RAP1B: variants seen among roughly 807,000 people sequenced by gnomAD.
The protein encoded by RAP1B is ras-related protein Rap-1b.
A neutral mutation model predicts 27.5 loss-of-function variants in RAP1B; 1 was observed. The observed-to-expected ratio is 0.04, with a 90% confidence interval of 0.01 to 0.17. The LOEUF is 0.17. Ranked by LOEUF, RAP1B falls within the 10% of genes least tolerant of loss-of-function variation. RAP1B has a pLI of 1.00. For synonymous variants in RAP1B, 75 were observed against 73.1 expected, an observed-to-expected ratio of 1.03 and a Z score of -0.13; for missense variants, 84 against 214.8, an observed-to-expected ratio of 0.39 and a Z score of 3.81.
chr12:68,656,937 T>G (rs1874248573), intron 6 of RAP1B, among the ~76,000 whole-genome samples, 164 bp from the exon 7 acceptor site: 3 of 152,186 alleles, frequency 2.0e-5, no homozygotes, highest in Admixed American at 6.5e-5. Context: ...CCCCAAAAAT[T>G]TGAGCTTGGC....
chr12:68,639,424 G>A (rs1183190257), intron 1 of RAP1B, among the ~76,000 whole-genome samples: 4 of 152,212 alleles, frequency 2.6e-5, no homozygotes, highest in African/African-American at 9.6e-5. Context: ...TCTACAGCTT[G>A]TTGTCTCCTT....
At chr12:68,640,872 A>C (rs1248993130) in intron 1 of RAP1B, among the ~76,000 whole-genome samples, 1 of 152,164 alleles carries the variant, frequency 6.6e-6, no homozygotes, top group Non-Finnish European at 1.5e-5. Flanking sequence ...ATTTTCTTTG[A>C]TTCATGTCTT....
chr12:68,655,510 T>C (rs1238032194), intron 5 of RAP1B, among the ~76,000 whole-genome samples: 16 of 151,768 alleles, frequency 1.1e-4, no homozygotes, highest in Admixed American at 1.1e-3. Flanking sequence ...AATAAGTGGC[T>C]TGATTTTTAG....
At chr12:68,638,047 G>A (rs1358918702) in intron 1 of RAP1B, among the ~76,000 whole-genome samples, 1 of 152,086 alleles carries the variant, frequency 6.6e-6, no homozygotes, top group Non-Finnish European at 1.5e-5. Flanking sequence ...AAATTCCATT[G>A]TTCAACTGTG....
Position 68,633,278 on chromosome 12 carries a change from G to C in RAP1B, c.-26-15421G>C, listed in dbSNP as rs1006525811. ...TCATACTCATCCCGTTCCCCAGAGC[G>C]CCCTCACTTTCCAAGTGAACTCCCC... On this transcript the variant is annotated intron_variant, in intron 1 of 7. Transcript: ENST00000250559. Among the ~76,000 whole-genome samples the C allele has an allele frequency of 2.0e-5, 3 of 151,844 alleles. No homozygotes were observed. In the South Asian group the frequency reaches 6.2e-4, roughly 32 times the overall value.
chr12:68,649,282 G>A (rs1873643934), intron 2 of RAP1B: 1 of 153,090 alleles, frequency 6.5e-6, no homozygotes, highest in Non-Finnish European at 1.5e-5. Flanking sequence ...CTGGCCTCAA[G>A]TAATCCACCT....
chr12:68,650,316 G>T, intron 2 of RAP1B, 84 bp from the exon 3 acceptor site: 1 of 1,250,810 alleles, frequency 8.0e-7, no homozygotes, highest in Non-Finnish European at 1.1e-6. Context: ...GTAACTCCCT[G>T]TGTGAACTCA....
chr12:68,639,261 G>A (rs1872831026), intron 1 of RAP1B, among the ~76,000 whole-genome samples: 1 of 152,156 alleles, frequency 6.6e-6, no homozygotes, highest in South Asian at 2.1e-4. Context: ...TGGTTACCTG[G>A]CTGATGTAAG....
chr12:68,634,629 T>TA (rs35923980), intron 1 of RAP1B, among the ~76,000 whole-genome samples: 4,494 of 152,258 alleles, frequency 0.03, 87 homozygotes, highest in South Asian at 0.044. Context: ...TCTCCTTTTT[T>TA]AAAAAATCAC....
intron 1 of RAP1B, among the ~76,000 whole-genome samples, chr12:68,614,918 A>G (rs1870872381): frequency 6.6e-6 from 1 of 152,204 alleles, no homozygotes; most frequent in South Asian, 2.1e-4. Context: ...CAAAGAATAG[A>G]TGAATTTATC....
At chr12:68,650,266 G>A (rs971219121) in intron 2 of RAP1B, 134 bp from the exon 3 acceptor site, 6 of 742,190 alleles carry the variant, frequency 8.1e-6, no homozygotes, top group East Asian at 7.1e-5. Context: ...GTACACATTC[G>A]AATGTAGTAT....
At chr12:68,626,950 G>A (rs1350197666) in intron 1 of RAP1B, 61 of 1,523,652 alleles carry the variant, frequency 4.0e-5, no homozygotes, top group Non-Finnish European at 5.1e-5. Context: ...GGGATGAGCC[G>A]CTTCTCAGTC....
chr12:68,664,639 G>A lies in RAP1B; in HGVS notation c.*5390G>A, dbSNP rs183364488. On this transcript the variant is annotated 3_prime_UTR_variant, in exon 8 of 8. Coordinates refer to ENST00000250559, the MANE Select transcript of RAP1B (RefSeq NM_001010942.3). ...CAGGAGAATCACTTGAACCTGGGAGGCCGAGGTTGCAGTGAGCTGAGATCA... is the reference window on the plus strand; with the variant it reads ...CAGGAGAATCACTTGAACCTGGGAGACCGAGGTTGCAGTGAGCTGAGATCA... 6.6e-6 allele frequency: 1 copy of A among 152,288 alleles called. No homozygotes were observed. Among genetic ancestry groups the A allele is most frequent in the East Asian group, 1.9e-4 (1 of 5,182 alleles). The allele number at this position is 152,288 out of a possible 1,614,324, so 9.4% of individuals were successfully genotyped here. A position where few individuals can be genotyped will look rare whatever the true frequency, so the allele number is the denominator to read the frequency against.
chr12:68,650,405 A>G lies in RAP1B; in HGVS notation c.63A>G (p.Val21=). The G allele has an allele frequency of 1.3e-6, 2 of 1,559,880 alleles. No homozygotes were observed. Among genetic ancestry groups the G allele is most frequent in the Non-Finnish European group, 1.7e-6 (2 of 1,150,288 alleles). ...SGGVGKSALT[V]QFVQGIFVEK... ...TTTCTTAATTTTTTTTTCAGACTGTACAATTTGTTCAAGGAATTTTTGTAG... is the reference window on the plus strand; with the variant it reads ...TTTCTTAATTTTTTTTTCAGACTGTGCAATTTGTTCAAGGAATTTTTGTAG... Residue 21 remains valine (V), a synonymous_variant, in exon 3 of 8, where the codon GTA becomes GTG. Transcript: ENST00000250559.
chr12:68,639,565 C>T (rs540308024), intron 1 of RAP1B, among the ~76,000 whole-genome samples: 2 of 152,132 alleles, frequency 1.3e-5, no homozygotes, highest in Non-Finnish European at 2.9e-5. Context: ...CACTAACCTC[C>T]TAAGAACTGC....
chr12:68,645,022 G>A (rs1873303815), intron 1 of RAP1B, among the ~76,000 whole-genome samples: 1 of 152,138 alleles, frequency 6.6e-6, no homozygotes, highest in African/African-American at 2.4e-5. Context: ...TTGTTGACGA[G>A]TATGTGCAAG....
In RAP1B at chr12:68,650,316, G is replaced by A. The variant is rs1333506497; in HGVS notation, c.58-84G>A. ...TTTTTCATTGATGGTGTAACTCCCT[G>A]TGTGAACTCAGTTTACAATTACATT... On this transcript the variant is annotated intron_variant, in intron 2 of 7. Transcript: ENST00000250559. 2.4e-6 allele frequency: 3 copies of A among 1,250,690 alleles called. No homozygotes were observed. In the South Asian group the frequency reaches 4.7e-5, roughly 20 times the overall value. The allele number at this position is 1,250,690 out of a possible 1,614,324, so 77.5% of individuals were successfully genotyped here. A position where few individuals can be genotyped will look rare whatever the true frequency, so the allele number is the denominator to read the frequency against.
intron 1 of RAP1B, among the ~76,000 whole-genome samples, chr12:68,647,013 A>T (rs1445692044): frequency 6.6e-6 from 1 of 152,140 alleles, no homozygotes; most frequent in African/African-American, 2.4e-5. Context: ...TCTTTGCCAG[A>T]ATACTTTTGA....
chr12:68,611,399 C>T (rs1157829026), intron 1 of RAP1B, among the ~76,000 whole-genome samples: 2 of 148,780 alleles, frequency 1.3e-5, no homozygotes, highest in South Asian at 2.1e-4. Context: ...CTTCTCCCGC[C>T]GCCCTCCTTT....
Sources: allele counts gnomAD v4.1 joint callset (sites outside exome capture counted in the v4.1 genomes callset), GRCh38; gene constraint gnomAD v4.1.1; transcripts MANE v1.5; gene names NCBI Gene and HGNC (gene_info 2026-07-23, HGNC 2026-07-21).